The following GPR137C variants were observed in gnomAD, a reference collection of about 807,000 sequenced individuals.
The protein encoded by GPR137C is G protein-coupled receptor 137C.
Under a neutral mutation model 43.4 loss-of-function variants are expected in GPR137C, and 27 were observed. That is an observed-to-expected ratio of 0.62 (90% CI 0.46 to 0.86). The LOEUF is 0.86. Ranked by LOEUF, GPR137C falls within the 40% of genes least tolerant of loss-of-function variation. The pLI is 0.00. For synonymous variants in GPR137C, 285 were observed against 226.9 expected (o/e 1.26, Z -2.30); for missense variants, 522 against 534.6 (o/e 0.98, Z 0.23).
At chr14:52,591,444 A>G (rs2038783349) in intron 1 of GPR137C, among the ~76,000 whole-genome samples, 1 of 151,826 alleles carries the variant, frequency 6.6e-6, no homozygotes, top group Admixed American at 6.6e-5. Flanking sequence ...TACACTCCCA[A>G]CAGTGTAAAA....
At chr14:52,606,031 T>A (rs1342785198) in intron 3 of GPR137C, among the ~76,000 whole-genome samples, 1 of 152,204 alleles carries the variant, frequency 6.6e-6, no homozygotes, top group Non-Finnish European at 1.5e-5. Context: ...TTCCTGTTTT[T>A]GGCATCAGAG....
intron 3 of GPR137C, among the ~76,000 whole-genome samples, chr14:52,629,443 C>G (rs1407163964): frequency 6.6e-6 from 1 of 152,128 alleles, no homozygotes; most frequent in Non-Finnish European, 1.5e-5. Flanking sequence ...ACTTCAGGTG[C>G]TAAAACCAGA....
intron 1 of GPR137C, among the ~76,000 whole-genome samples, chr14:52,556,696 T>G (rs1321416143): frequency 6.6e-6 from 1 of 152,112 alleles, no homozygotes; most frequent in Non-Finnish European, 1.5e-5. Context: ...TATCTACCAT[T>G]AGAACATATT....
intron 3 of GPR137C, among the ~76,000 whole-genome samples, chr14:52,625,775 C>G (rs541660133): frequency 7.9e-5 from 12 of 151,510 alleles, no homozygotes; most frequent in Non-Finnish European, 1.0e-4. Flanking sequence ...AGGATGGTCT[C>G]GATCTCCTGA....
intron 6 of GPR137C, 29 bp downstream of exon 6, chr14:52,633,975 A>G: frequency 8.0e-7 from 1 of 1,255,760 alleles, no homozygotes; most frequent in Non-Finnish European, 1.2e-6. Context: ...CTTAGCCTGA[A>G]TTACTATTGA....
intron 1 of GPR137C, among the ~76,000 whole-genome samples, chr14:52,565,301 C>T (rs2038350845): frequency 6.6e-6 from 1 of 152,186 alleles, no homozygotes; most frequent in Non-Finnish European, 1.5e-5. Flanking sequence ...CCTCCTCCTT[C>T]TCATAGGAAT....
At chr14:52,578,366 T>A (rs58322020) in intron 1 of GPR137C, among the ~76,000 whole-genome samples, 7,128 of 152,224 alleles carry the variant, frequency 0.047, 403 homozygotes, top group East Asian at 0.16. Context: ...ATCTGTCTTC[T>A]TTCTCTGCTT....
intron 3 of GPR137C, among the ~76,000 whole-genome samples, chr14:52,629,494 A>G (rs1033656083): frequency 1.3e-5 from 2 of 152,224 alleles, no homozygotes; most frequent in Admixed American, 1.3e-4. Flanking sequence ...CACTGTAATT[A>G]TCCTCTCAGC....
At chr14:52,606,333 T>A (rs1417268978) in intron 3 of GPR137C, among the ~76,000 whole-genome samples, 1 of 152,216 alleles carries the variant, frequency 6.6e-6, no homozygotes, top group African/African-American at 2.4e-5. Context: ...ATGTAGTTCG[T>A]AATAGTCTCT....
At chr14:52,610,294 ATTTTT>A in intron 3 of GPR137C, among the ~76,000 whole-genome samples, 1 of 152,058 alleles carries the variant, frequency 6.6e-6, no homozygotes. Flanking sequence ...TGTGTTATTC[ATTTTT>A]CAGTCCTTTT....
rs140706392 is a variant in GPR137C, at chr14:52,573,857, G to A, written c.444+20266G>A. Among the ~76,000 whole-genome samples, 1,177 of 152,090 alleles carry A rather than the reference G, an allele frequency of 7.7e-3. 10 individuals are homozygous for A. Among genetic ancestry groups the A allele is most frequent in the Non-Finnish European group, 0.013 (897 of 67,988 alleles). ...AGGGCTAATATCCAGAATTTACAAG[G>A]AACTTATACAAATTTATAAGAAAAA... On this transcript the variant is annotated intron_variant, in intron 1 of 6. Coordinates refer to ENST00000321662, the MANE Select transcript of GPR137C (RefSeq NM_001099652.2).
At chr14:52,591,193 A>G (rs1030888885) in intron 1 of GPR137C, among the ~76,000 whole-genome samples, 1 of 152,042 alleles carries the variant, frequency 6.6e-6, no homozygotes, top group Non-Finnish European at 1.5e-5. Flanking sequence ...AGTATTCCAT[A>G]TTGCATATGT....
intron 1 of GPR137C, among the ~76,000 whole-genome samples, chr14:52,594,938 T>C (rs2038833331): frequency 6.6e-6 from 1 of 152,208 alleles, no homozygotes; most frequent in African/African-American, 2.4e-5. Context: ...ATTTGGCATG[T>C]TTTTGCAGTG....
intron 1 of GPR137C, among the ~76,000 whole-genome samples, chr14:52,555,399 T>TTTATATATATATATATATATAAAA (rs2038177405): frequency 6.6e-6 from 1 of 152,126 alleles, no homozygotes; most frequent in Non-Finnish European, 1.5e-5. Flanking sequence ...CCACCCAGAT[T>TTTATATATATATATATATATAAAA]AAGATATAAA....
At chr14:52,556,839 A>C (rs1467043924) in intron 1 of GPR137C, among the ~76,000 whole-genome samples, 2 of 152,030 alleles carry the variant, frequency 1.3e-5, no homozygotes, top group African/African-American at 4.8e-5. Flanking sequence ...GTTGTGATGC[A>C]TGCCAAAATC....
intron 3 of GPR137C, among the ~76,000 whole-genome samples, chr14:52,620,263 A>G (rs1481668142): frequency 6.6e-6 from 1 of 152,016 alleles, no homozygotes; most frequent in African/African-American, 2.4e-5. Context: ...GATACCAGAT[A>G]GAAGAAGACC....
intron 1 of GPR137C, among the ~76,000 whole-genome samples, chr14:52,567,660 TG>T (rs1388009372): frequency 1.4e-5 from 2 of 143,300 alleles, no homozygotes; most frequent in Admixed American, 7.1e-5. Context: ...TTTTTTTTTT[TG>T]GTTTTTTTTT....
At chr14:52,598,157 CT>C in intron 1 of GPR137C, 114 bp from the exon 2 acceptor site, 1 of 439,626 alleles carries the variant, frequency 2.3e-6, no homozygotes, top group Non-Finnish European at 4.2e-6. Context: ...AACATTTCAA[CT>C]TTGCGTGCTA....
At chr14:52,605,364 A>G (rs992284254) in intron 3 of GPR137C, among the ~76,000 whole-genome samples, 9 of 152,180 alleles carry the variant, frequency 5.9e-5, no homozygotes, top group African/African-American at 2.2e-4. Context: ...CACTGTTAAC[A>G]TATAGAAACA....
Sources: allele counts gnomAD v4.1 joint callset (sites outside exome capture counted in the v4.1 genomes callset), GRCh38; gene constraint gnomAD v4.1.1; transcripts MANE v1.5; gene names NCBI Gene and HGNC (gene_info 2026-07-23, HGNC 2026-07-21).